The following TMEM266 variants were observed in gnomAD, a reference collection of about 807,000 sequenced individuals.
The protein encoded by TMEM266 is transmembrane protein 266, also known as Hv1 related protein 1.
A neutral mutation model predicts 50.5 loss-of-function variants in TMEM266; 33 were observed. The ratio of observed to expected loss-of-function variants is 0.65; its 90% confidence interval spans 0.50 to 0.87. The LOEUF is 0.87. TMEM266 is among the 40% of genes least tolerant of loss of function. The pLI, the probability that TMEM266 is intolerant of heterozygous loss-of-function variation, is 0.00. For synonymous variants in TMEM266, 310 were observed against 292.3 expected (o/e 1.06, Z -0.62); for missense variants, 655 against 695.1 (o/e 0.94, Z 0.65).
intron 2 of TMEM266, among the ~76,000 whole-genome samples, chr15:76,136,941 C>T (rs770269139): frequency 1.6e-4 from 24 of 152,280 alleles, no homozygotes; most frequent in South Asian, 8.3e-4. Flanking sequence ...GATTGGGAGG[C>T]GGTACTGCCC....
In TMEM266 at chr15:76,161,164, G is replaced by GT. The variant is rs939798408; in HGVS notation, c.456+997dup. 2.6e-5 allele frequency among the ~76,000 whole-genome samples: 4 copies of GT among 152,174 alleles called. No individual in the cohort carries two copies. Among genetic ancestry groups the GT allele is most frequent in the African/African-American group, 9.7e-5 (4 of 41,434 alleles). On this transcript the variant is annotated intron_variant, in intron 5 of 10. Coordinates refer to ENST00000388942, the MANE Select transcript of TMEM266 (RefSeq NM_152335.3). This position sits in a 1 kb window ranked among gnomAD's most constrained non-coding sequence, Gnocchi z 4.1. ...CTTGAGTGTCCCATCCCTGCTATGG[G>GT]TACATATTAGCCCATGCAAAGTCCC...
At chr15:76,069,909 C>T (rs1197054469) in intron 1 of TMEM266, among the ~76,000 whole-genome samples, 1 of 151,910 alleles carries the variant, frequency 6.6e-6, no homozygotes, top group Non-Finnish European at 1.5e-5. Flanking sequence ...CTGTAAATAC[C>T]ATTCTCAGCT....
At chr15:76,154,451 T>A (rs143896643) in intron 3 of TMEM266, among the ~76,000 whole-genome samples, 38 of 152,158 alleles carry the variant, frequency 2.5e-4, no homozygotes, top group Admixed American at 3.3e-4. Context: ...GCGATGGGGA[T>A]GTTCATTGAT....
In TMEM266 at chr15:76,204,142, A is replaced by C. The variant is rs755419801; in HGVS notation, c.1423A>C (p.Ser475Arg). 2.5e-6 allele frequency: 4 copies of C among 1,613,474 alleles called. No individual in the cohort carries two copies. In the South Asian group the frequency reaches 4.4e-5, roughly 18 times the overall value. The change falls in exon 11 of 11, where the codon AGC (serine) becomes CGC (arginine). Residue 475 changes from serine to arginine, a missense_variant. Coordinates refer to ENST00000388942, the MANE Select transcript of TMEM266 (RefSeq NM_152335.3). ...CAGCCCAGCGGGCTCGGCCCAAACC[A>C]GCCCCGAGCTGGAACACAGGGTAAG... ...QTSPELEHRV[S>R]LFNQKNQEGF...
At position 76,175,577 on chromosome 15, in the gene TMEM266, A is replaced by G. The variant is rs2038261507; in HGVS notation, c.671A>G (p.Lys224Arg). Reference sequence around the variant, plus strand: ...CTTCCAGCCTACGTCCTGCCAGTGAAGCTGGAGATGGAGATGGTTATCCAG... The same window carrying G: ...CTTCCAGCCTACGTCCTGCCAGTGAGGCTGGAGATGGAGATGGTTATCCAG... Residue 224 changes from lysine to arginine, a missense_variant, in exon 8 of 11, where the codon AAG becomes AGG. By Grantham distance (26) the Lys-to-Arg change is conservative. This residue lies in a region of TMEM266 where 101 missense variants were observed against 182.6 expected (regional missense o/e 0.55). Coordinates refer to ENST00000388942, the MANE Select transcript of TMEM266 (RefSeq NM_152335.3). The G allele has an allele frequency of 6.2e-7, 1 of 1,613,908 alleles. No homozygotes were observed. Among genetic ancestry groups the G allele is most frequent in the Non-Finnish European group, 8.5e-7 (1 of 1,179,912 alleles).
At chr15:76,200,672 T>C (rs993441582) in intron 9 of TMEM266, among the ~76,000 whole-genome samples, 2 of 151,988 alleles carry the variant, frequency 1.3e-5, no homozygotes, top group Non-Finnish European at 2.9e-5. Context: ...GGCCTGGGGG[T>C]CCTGAGCCTC....
chr15:76,181,628 TG>T (rs1440426448), intron 8 of TMEM266: 1 of 152,238 alleles, frequency 6.6e-6, no homozygotes, highest in African/African-American at 2.4e-5. Context: ...TTAGGCTCGC[TG>T]GTACACAGAT....
chr15:76,175,773 C>T, intron 8 of TMEM266, 99 bp downstream of exon 8: 1 of 916,336 alleles, frequency 1.1e-6, no homozygotes, highest in Non-Finnish European at 1.7e-6. Context: ...CACCAGAGGT[C>T]AGGGAGTTCC....
intron 1 of TMEM266, among the ~76,000 whole-genome samples, chr15:76,066,614 GA>G (rs983546128): frequency 2.7e-5 from 4 of 148,834 alleles, no homozygotes; most frequent in African/African-American, 5.0e-5. Context: ...GAAGTTGGAT[GA>G]AAATCAAAGG....
chr15:76,201,185 C>G (rs2038741066), intron 9 of TMEM266, among the ~76,000 whole-genome samples: 2 of 152,232 alleles, frequency 1.3e-5, no homozygotes, highest in East Asian at 3.9e-4. Flanking sequence ...TCTGGTCTTC[C>G]TGCCACAGCC....
intron 5 of TMEM266, among the ~76,000 whole-genome samples, chr15:76,169,244 C>T (rs764150640): frequency 6.6e-6 from 1 of 152,024 alleles, no homozygotes; most frequent in African/African-American, 2.4e-5. Flanking sequence ...AAGGCCACTC[C>T]CAGATGCAAG....
intron 1 of TMEM266, among the ~76,000 whole-genome samples, chr15:76,103,910 CAAA>C (rs35293752): frequency 1.6e-5 from 2 of 126,982 alleles, no homozygotes; most frequent in East Asian, 2.9e-4. Flanking sequence ...GACTCCATCT[CAAA>C]AAAAAAAAAA....
At chr15:76,134,113 T>C (rs2037554343) in intron 1 of TMEM266, 55 bp from the exon 2 acceptor site, 1 of 723,956 alleles carries the variant, frequency 1.4e-6, no homozygotes, top group African/African-American at 1.8e-5. Flanking sequence ...TAGATGAGCT[T>C]AGGAGGACTT....
At chr15:76,065,314 C>A (rs1418598326) in intron 1 of TMEM266, among the ~76,000 whole-genome samples, 3 of 152,160 alleles carry the variant, frequency 2.0e-5, no homozygotes, top group Admixed American at 6.5e-5. Flanking sequence ...CCTGCCCCCA[C>A]CCCTCTACTG....
chr15:76,065,526 A>G (rs1286888571), intron 1 of TMEM266, among the ~76,000 whole-genome samples: 3 of 152,082 alleles, frequency 2.0e-5, no homozygotes, highest in Non-Finnish European at 4.4e-5. Context: ...TGTTCTATCA[A>G]GAGGCAGTCT....
chr15:76,086,145 G>A (rs28884785), intron 1 of TMEM266, among the ~76,000 whole-genome samples: 9 of 152,154 alleles, frequency 5.9e-5, no homozygotes, highest in African/African-American at 2.2e-4. Flanking sequence ...GTGAATGGAA[G>A]AAACAAACTA....
At chr15:76,083,937 C>A (rs982424407) in intron 1 of TMEM266, among the ~76,000 whole-genome samples, 1 of 152,090 alleles carries the variant, frequency 6.6e-6, no homozygotes, top group Non-Finnish European at 1.5e-5. Context: ...AGGATGGGGT[C>A]AGGCTCTGTA....
At chr15:76,121,669 G>A (rs1256991846) in intron 1 of TMEM266, among the ~76,000 whole-genome samples, 1 of 152,094 alleles carries the variant, frequency 6.6e-6, no homozygotes, top group Non-Finnish European at 1.5e-5. Flanking sequence ...CGCCTGCCTC[G>A]GCCTCCCAAA....
At chr15:76,184,713 T>C (rs1279820926) in intron 8 of TMEM266, among the ~76,000 whole-genome samples, 1 of 152,206 alleles carries the variant, frequency 6.6e-6, no homozygotes, top group African/African-American at 2.4e-5. Flanking sequence ...GCGCTGGGTG[T>C]GCCCGTCCTG....
Sources: gnomAD v4.1 joint callset for allele counts (sites outside exome capture counted in the v4.1 genomes callset) on GRCh38, gnomAD v4.1.1 for gene constraint, gnomAD v4.1.1 regional missense constraint, Gnocchi (gnomAD v3.1) non-coding constraint, MANE v1.5 for transcripts, NCBI Gene and HGNC (gene_info 2026-07-23, HGNC 2026-07-21) for gene names.